The following GTF2H1 variants were observed in gnomAD, a reference collection of about 807,000 sequenced individuals.
GTF2H1 encodes BTF2 p62.
Under a neutral mutation model 71.2 loss-of-function variants are expected in GTF2H1, and 16 were observed. The observed-to-expected ratio is 0.22, with a 90% CI of 0.15 to 0.34. The LOEUF (loss-of-function observed/expected upper bound fraction) is 0.34, where lower values mean the gene tolerates loss of function less well. Ranked by LOEUF, GTF2H1 falls within the 10% of genes least tolerant of loss-of-function variation. The pLI is 1.00. For synonymous variants in GTF2H1, 215 were observed against 219.0 expected, an observed-to-expected ratio of 0.98 and a Z score of 0.16; for missense variants, 498 against 648.2, an observed-to-expected ratio of 0.77 and a Z score of 2.52.
intron 1 of GTF2H1, among the ~76,000 whole-genome samples, chr11:18,330,593 G>A (rs1181111224): frequency 6.6e-6 from 1 of 152,176 alleles, no homozygotes; most frequent in Non-Finnish European, 1.5e-5. Flanking sequence ...GCACGGGAGG[G>A]CTATGTGTCC....
intron 11 of GTF2H1, among the ~76,000 whole-genome samples, chr11:18,356,688 G>A (rs1361854252): frequency 5.3e-5 from 8 of 151,692 alleles, no homozygotes; most frequent in Admixed American, 3.3e-4. Context: ...GGGCTCAGGC[G>A]ATGCTCCCAC....
rs762369289 is a variant in GTF2H1, at chr11:18,358,537, A to G, written c.1364A>G (p.Asn455Ser). The G allele has an allele frequency of 1.3e-6, 2 of 1,599,534 alleles. No homozygotes were observed. The highest frequency in any genetic ancestry group is 1.7e-6 in the Non-Finnish European group (2 of 1,166,790). Residue 455 changes from asparagine to serine, a missense_variant, in exon 13 of 15, where the codon AAT (asparagine) becomes AGT (serine). Transcript: ENST00000265963. ...TCTTCTTTTGCAGAGATGGTGCCAA[A>G]TGATATTCAATCTGAATTGAAACAC... ...TQQAINQMVP[N>S]DIQSELKHLY...
At position 18,328,789 on chromosome 11, in the gene GTF2H1, G is replaced by A. The variant is rs1013040405; in HGVS notation, c.-15-4271G>A. On this transcript the variant is annotated intron_variant, in intron 1 of 14. Transcript: ENST00000265963. The stretch of plus-strand genomic sequence containing the variant: ...TGCAGTGAGCCGAGATCGCGCCACC[G>A]CACTCCTGCCTGGGTGACAGTGAGA... 4.6e-5 allele frequency among the ~76,000 whole-genome samples: 7 copies of A among 151,274 alleles called. No homozygotes were observed. The East Asian group carries it at 7.8e-4, about 17-fold the overall frequency.
At chr11:18,330,722 A>G (rs918180384) in intron 1 of GTF2H1, among the ~76,000 whole-genome samples, 7 of 152,172 alleles carry the variant, frequency 4.6e-5, no homozygotes, top group Admixed American at 1.3e-4. Context: ...TAATTAGTAT[A>G]CACTAACAAA....
rs74415639 is a variant in GTF2H1 at position 18,354,109 on chromosome 11, G to C, written c.1260+1663G>C. On this transcript the variant is annotated intron_variant, in intron 11 of 14. Coordinates refer to ENST00000265963, the MANE Select transcript of GTF2H1 (RefSeq NM_005316.4). ...TCTTTTCATAACTTTGACATTGAAA[G>C]AGTACTGGGCAATTTTTTGTAGAAT... is the stretch of plus-strand genomic sequence containing the variant. Among the ~76,000 whole-genome samples the C allele has an allele frequency of 1.8e-3, 268 of 152,308 alleles. 1 individual carries two copies. Among genetic ancestry groups the C allele is most frequent in the African/African-American group, 6.0e-3 (249 of 41,576 alleles).
intron 14 of GTF2H1, among the ~76,000 whole-genome samples, chr11:18,362,899 G>T (rs949446609): frequency 2.0e-5 from 3 of 151,932 alleles, no homozygotes; most frequent in African/African-American, 7.2e-5. Flanking sequence ...TCGAACTCCT[G>T]ACCTCGTGAT....
At chr11:18,338,442 GT>G in intron 4 of GTF2H1, among the ~76,000 whole-genome samples, 168 bp downstream of exon 4, 1 of 151,950 alleles carries the variant, frequency 6.6e-6, no homozygotes, top group Non-Finnish European at 1.5e-5. Context: ...TATTATGTTT[GT>G]TTGTTTGTTT....
chr11:18,346,218 T>C (rs943392805), intron 7 of GTF2H1, among the ~76,000 whole-genome samples: 2 of 152,202 alleles, frequency 1.3e-5, no homozygotes, highest in African/African-American at 4.8e-5. Context: ...TGCTTGTGTT[T>C]TGTTTTATTT....
At chr11:18,334,946 GTTTATTTT>G (rs1404157057) in intron 2 of GTF2H1, among the ~76,000 whole-genome samples, 5 of 151,818 alleles carry the variant, frequency 3.3e-5, no homozygotes, top group East Asian at 1.9e-4. Flanking sequence ...GTGGTTTTTG[GTTTATTTT>G]TTTATTTTTT....
chr11:18,339,435 T>C (rs1235743315), intron 4 of GTF2H1, 129 bp from the exon 5 acceptor site: 2 of 582,850 alleles, frequency 3.4e-6, no homozygotes, highest in Non-Finnish European at 6.1e-6. Context: ...AAAGTGAAGG[T>C]GAGGGACTTT....
intron 3 of GTF2H1, among the ~76,000 whole-genome samples, chr11:18,336,614 A>G (rs893412251): frequency 6.6e-6 from 1 of 152,150 alleles, no homozygotes; most frequent in Non-Finnish European, 1.5e-5. Context: ...CAGAACCGGG[A>G]TTGGAAGGTG....
chr11:18,365,997 A>G lies in GTF2H1; in HGVS notation c.*128A>G, dbSNP rs1279398701. ...GATAAGAAACATCTGCTCCACGCCA[A>G]CTCCCAGAGCTGATGCTATTGTACT... On this transcript the variant is annotated 3_prime_UTR_variant, in exon 15 of 15. Transcript: ENST00000265963. The G allele has an allele frequency of 9.1e-6, 6 of 658,820 alleles. No individual in the cohort carries two copies. The highest frequency in any genetic ancestry group is 2.4e-5 in the Admixed American group (1 of 42,420). 40.8% of individuals were successfully genotyped at this position (658,820 alleles called of 1,614,324 possible). A position where few individuals can be genotyped will look rare whatever the true frequency, so the allele number is the denominator to read the frequency against.
In GTF2H1 at chr11:18,339,577, C is replaced by A; in HGVS notation, c.527C>A (p.Pro176His). ...ISAAFLADVR[P>H]QTDGCNGLRY... is the part of the protein sequence containing the mutation. ...GCTTTGTTTTAGGCTGATGTCCGGC[C>A]CCAAACTGATGGCTGTAACGGTCTA... The change falls in exon 5 of 15, where the codon CCC becomes CAC. Residue 176 changes from proline (P) to histidine (H), a missense_variant. Transcript: ENST00000265963. The A allele has an allele frequency of 6.2e-7, 1 of 1,612,836 alleles. No homozygotes were observed. Among genetic ancestry groups the A allele is most frequent in the Non-Finnish European group, 8.5e-7 (1 of 1,178,876 alleles).
At chr11:18,336,471 T>C (rs995585917) in intron 3 of GTF2H1, among the ~76,000 whole-genome samples, 15 of 152,130 alleles carry the variant, frequency 9.9e-5, no homozygotes, top group Non-Finnish European at 1.8e-4. Flanking sequence ...TAGGAAAATA[T>C]GGGCTCTAGT....
chr11:18,344,231 G>A (rs1022451776), intron 7 of GTF2H1, among the ~76,000 whole-genome samples: 2 of 152,026 alleles, frequency 1.3e-5, no homozygotes, highest in Admixed American at 6.5e-5. Flanking sequence ...TCATGTTTAC[G>A]GTATCATCAT....
rs935811777 is a variant in GTF2H1, at chr11:18,361,601, A to G, written c.1560+894A>G. On this transcript the variant is annotated intron_variant, in intron 14 of 14. Transcript: ENST00000265963. ...GGAGAATTGCTTGAACCTGGGAGACAGGGGTTGCGGTGAGCCGAGGTCATG... is the reference window on the plus strand; with the variant it reads ...GGAGAATTGCTTGAACCTGGGAGACGGGGGTTGCGGTGAGCCGAGGTCATG... Among the ~76,000 whole-genome samples, 6 of 148,932 alleles carry G rather than the reference A, an allele frequency of 4.0e-5. No homozygotes were observed. The Admixed American group carries it at 4.0e-4, about 10-fold the overall frequency.
chr11:18,363,934 C>T (rs893852981), intron 14 of GTF2H1, among the ~76,000 whole-genome samples: 3 of 151,966 alleles, frequency 2.0e-5, no homozygotes, highest in Admixed American at 6.6e-5. Context: ...ATTAGCCGGG[C>T]GTTGTGGCAA....
In GTF2H1 at chr11:18,360,675, GA is replaced by G; in HGVS notation, c.1532del (p.Lys511ArgfsTer7). 6.4e-7 allele frequency: 1 copy of G among 1,571,814 alleles called. No homozygotes were observed. The highest frequency in any genetic ancestry group is 2.3e-5 in the East Asian group (1 of 42,766). On this transcript the variant is annotated frameshift_variant, in exon 14 of 15. Transcript: ENST00000265963. LOFTEE classifies it high-confidence loss of function. ...AGTTACGAAGCTCTGTCCATTCCAA[GA>G]AAAGATTCGGAGACAGTATTTAAGC... ...FQVTKLCPFQEKIRRQYLSTN... is the reference protein window; with the variant it reads ...FQVTKLCPFQXKIRRQYLSTN...
chr11:18,341,914 TTAATC>T (rs1278773367), intron 7 of GTF2H1: 5 of 197,242 alleles, frequency 2.5e-5, no homozygotes, highest in African/African-American at 9.4e-5. Context: ...TAGCTAACAT[TTAATC>T]TAAAGAAATA....
Sources: gnomAD v4.1 joint callset for allele counts (sites outside exome capture counted in the v4.1 genomes callset) on GRCh38, gnomAD v4.1.1 for gene constraint, MANE v1.5 for transcripts, NCBI Gene and HGNC (gene_info 2026-07-23, HGNC 2026-07-21) for gene names.